ADCY8: variants seen among roughly 807,000 people sequenced by gnomAD.
ADCY8 encodes the protein adenylate cyclase type 8.
Under a neutral mutation model 119.7 loss-of-function variants are expected in ADCY8, and 51 were observed. The observed-to-expected ratio is 0.43, with a 90% CI of 0.34 to 0.54. The LOEUF is 0.54. Among genes scored for constraint, ADCY8 ranks in the 20% least tolerant of loss-of-function variants. The pLI, the probability that ADCY8 is intolerant of heterozygous loss-of-function variation, is 0.03. For synonymous variants in ADCY8, 665 were observed against 651.0 expected (o/e 1.02, Z -0.33); for missense variants, 1,383 against 1,598.8 (o/e 0.87, Z 2.30).
At chr8:130,993,157 G>T (rs1822654907) in intron 1 of ADCY8, among the ~76,000 whole-genome samples, 1 of 152,082 alleles carries the variant, frequency 6.6e-6, no homozygotes, top group African/African-American at 2.4e-5. Context: ...TGGCTTTGTT[G>T]TATAAATGCC....
intron 7 of ADCY8, among the ~76,000 whole-genome samples, chr8:130,888,552 G>A (rs1324058292): frequency 6.6e-6 from 1 of 152,040 alleles, no homozygotes; most frequent in Non-Finnish European, 1.5e-5. Flanking sequence ...CTCTCCTCAG[G>A]TATTTCCATA....
At chr8:131,028,974 C>A (rs1823908535) in intron 1 of ADCY8, among the ~76,000 whole-genome samples, 1 of 152,140 alleles carries the variant, frequency 6.6e-6, no homozygotes. Flanking sequence ...AGTGTGCTTG[C>A]ACAGCAGGTT....
intron 5 of ADCY8, among the ~76,000 whole-genome samples, chr8:130,912,864 A>G (rs568391057): frequency 6.6e-6 from 1 of 152,292 alleles, no homozygotes; most frequent in East Asian, 1.9e-4. Flanking sequence ...GCCATTTAAA[A>G]AAAATTGACA....
chr8:130,865,121 C>T (rs978280567), intron 9 of ADCY8, among the ~76,000 whole-genome samples: 3 of 152,108 alleles, frequency 2.0e-5, no homozygotes, highest in South Asian at 4.1e-4. Flanking sequence ...GAATCTGTGT[C>T]TTGCAGTTCT....
At chr8:131,010,996 G>A (rs1195770684) in intron 1 of ADCY8, among the ~76,000 whole-genome samples, 1 of 152,192 alleles carries the variant, frequency 6.6e-6, no homozygotes, top group Non-Finnish European at 1.5e-5. Context: ...TTTCACCTAA[G>A]TTACAAAATA....
intron 8 of ADCY8, among the ~76,000 whole-genome samples, chr8:130,872,243 G>T (rs948010394): frequency 6.6e-6 from 1 of 152,110 alleles, no homozygotes; most frequent in African/African-American, 2.4e-5. Context: ...TGTGATACAC[G>T]CTTTACATGA....
At chr8:130,893,142 C>T (rs1192595825) in intron 7 of ADCY8, among the ~76,000 whole-genome samples, 1 of 152,184 alleles carries the variant, frequency 6.6e-6, no homozygotes, top group African/African-American at 2.4e-5. Flanking sequence ...CAGAACTTGG[C>T]ACACTCATTT....
intron 8 of ADCY8, among the ~76,000 whole-genome samples, chr8:130,871,767 G>A (rs1269010183): frequency 6.6e-6 from 1 of 152,102 alleles, no homozygotes; most frequent in African/African-American, 2.4e-5. Flanking sequence ...CCTCCTGTGT[G>A]TTTTTTAACT....
At chr8:131,015,831 C>T (rs1335908168) in intron 1 of ADCY8, among the ~76,000 whole-genome samples, 1 of 152,142 alleles carries the variant, frequency 6.6e-6, no homozygotes, top group Non-Finnish European at 1.5e-5. Flanking sequence ...GGGCTGGACC[C>T]AAACTCAGAC....
intron 7 of ADCY8, among the ~76,000 whole-genome samples, chr8:130,895,075 C>G (rs564769457): frequency 1.3e-5 from 2 of 152,246 alleles, no homozygotes; most frequent in East Asian, 3.9e-4. Flanking sequence ...ATAAATCCCA[C>G]TTCTTTGTTT....
At chr8:130,869,611 A>T (rs1164954392) in intron 8 of ADCY8, among the ~76,000 whole-genome samples, 1 of 147,562 alleles carries the variant, frequency 6.8e-6, no homozygotes, top group Non-Finnish European at 1.5e-5. Context: ...TCTGCCTCCC[A>T]GGTTCACTCC....
chr8:130,909,217 A>G (rs942280870), intron 6 of ADCY8, among the ~76,000 whole-genome samples: 8 of 152,304 alleles, frequency 5.3e-5, no homozygotes, highest in African/African-American at 1.9e-4. Flanking sequence ...ACCTTTGGGG[A>G]TCCTATGTCA....
chr8:130,965,978 A>G, intron 2 of ADCY8, among the ~76,000 whole-genome samples: 1 of 152,214 alleles, frequency 6.6e-6, no homozygotes, highest in Non-Finnish European at 1.5e-5. Context: ...AGAACCCAAC[A>G]CAAGCTTAGT....
intron 11 of ADCY8, among the ~76,000 whole-genome samples, chr8:130,845,976 C>G (rs1441547394): frequency 1.3e-5 from 2 of 152,106 alleles, no homozygotes; most frequent in Non-Finnish European, 2.9e-5. Context: ...AAGACGGAGA[C>G]AGTAATAGCC....
Position 130,874,294 on chromosome 8 carries a change from C to T in ADCY8, c.2110-6348G>A, listed in dbSNP as rs912006514. ...CTGCACTTCAGCCTGGAAGACAAAG[C>T]AAGACTCTGACTTAAAAAATAAATA... On this transcript the variant is annotated intron_variant, in intron 8 of 17. Transcript: ENST00000286355. 4.7e-5 allele frequency among the ~76,000 whole-genome samples: 7 copies of T among 149,652 alleles called. No individual in the cohort carries two copies. In the East Asian group the frequency reaches 7.8e-4, roughly 17 times the overall value.
At chr8:130,903,436 A>G (rs1006934335) in intron 7 of ADCY8, among the ~76,000 whole-genome samples, 11 of 148,352 alleles carry the variant, frequency 7.4e-5, no homozygotes, top group African/African-American at 2.7e-4. Flanking sequence ...GTTTAATAAC[A>G]GAGGGTTTAT....
At chr8:130,916,155 G>A (rs7459573) in intron 5 of ADCY8, among the ~76,000 whole-genome samples, 97,478 of 152,024 alleles carry the variant, frequency 0.64, 31,444 homozygotes, top group Admixed American at 0.68. Flanking sequence ...CACCCCGGGT[G>A]TATAAGCCTG....
At chr8:130,975,128 C>T (rs764879628) in intron 2 of ADCY8, among the ~76,000 whole-genome samples, 2 of 152,154 alleles carry the variant, frequency 1.3e-5, no homozygotes, top group Admixed American at 6.6e-5. Context: ...CTTGTTTAAT[C>T]GTGGGAGAGG....
intron 15 of ADCY8, among the ~76,000 whole-genome samples, chr8:130,793,307 A>C (rs1402103028): frequency 6.6e-6 from 1 of 152,168 alleles, no homozygotes; most frequent in Non-Finnish European, 1.5e-5. Context: ...CGGTTCACCC[A>C]GGTCGGGGGA....
Sources: allele counts gnomAD v4.1 joint callset (sites outside exome capture counted in the v4.1 genomes callset), GRCh38; gene constraint gnomAD v4.1.1; transcripts MANE v1.5; gene names NCBI Gene and HGNC (gene_info 2026-07-23, HGNC 2026-07-21).